The following ATP2B2 variants were observed in gnomAD, a reference collection of about 807,000 sequenced individuals.
ATP2B2 encodes plasma membrane calcium-transporting ATPase 2.
Under a neutral mutation model 120.0 loss-of-function variants are expected in ATP2B2, and 15 were observed. The observed-to-expected ratio is 0.12, with a 90% CI of 0.08 to 0.19. The LOEUF (loss-of-function observed/expected upper bound fraction) is 0.19. ATP2B2 is among the 10% of genes least tolerant of loss of function. The probability of loss-of-function intolerance (pLI) is 1.00; values close to 1 mark genes in which losing one functional copy is unlikely to be tolerated. For synonymous variants in ATP2B2, 694 were observed against 700.3 expected, an observed-to-expected ratio of 0.99 and a Z score of 0.14; for missense variants, 1,045 against 1,719.8, an observed-to-expected ratio of 0.61 and a Z score of 6.94.
chr3:10,446,900 T>A (rs887179946), intron 2 of ATP2B2, among the ~76,000 whole-genome samples: 1 of 152,190 alleles, frequency 6.6e-6, no homozygotes, highest in African/African-American at 2.4e-5. Flanking sequence ...AAAACAGAGT[T>A]CTTTACTTTT....
chr3:10,622,392 T>G (rs971857089), intron 1 of ATP2B2, among the ~76,000 whole-genome samples: 10 of 152,146 alleles, frequency 6.6e-5, no homozygotes, highest in African/African-American at 2.4e-4. Flanking sequence ...CTGTTAAAAT[T>G]TCATCTGCAT....
At chr3:10,394,140 G>A (rs924646694) in intron 5 of ATP2B2, among the ~76,000 whole-genome samples, 1 of 152,096 alleles carries the variant, frequency 6.6e-6, no homozygotes, top group African/African-American at 2.4e-5. Context: ...AGGGAGAGGG[G>A]AGAGTTCATC....
intron 2 of ATP2B2, among the ~76,000 whole-genome samples, chr3:10,593,858 A>C (rs1246003845): frequency 6.6e-6 from 1 of 150,668 alleles, no homozygotes; most frequent in Non-Finnish European, 1.5e-5. Flanking sequence ...GAACTCAAAC[A>C]AATTTACAAG....
At chr3:10,502,079 A>G (rs192303785) in intron 1 of ATP2B2, among the ~76,000 whole-genome samples, 1 of 152,262 alleles carries the variant, frequency 6.6e-6, no homozygotes, top group African/African-American at 2.4e-5. Flanking sequence ...CAGCAGGCGG[A>G]TGGGCCAGTG....
chr3:10,493,023 GTTCATTCATTCA>G (rs575814546), intron 1 of ATP2B2, among the ~76,000 whole-genome samples: 1 of 151,984 alleles, frequency 6.6e-6, no homozygotes, highest in Non-Finnish European at 1.5e-5. Context: ...CAATTCATTT[GTTCATTCATTCA>G]TTCATTCATT....
intron 2 of ATP2B2, among the ~76,000 whole-genome samples, chr3:10,617,249 T>G (rs1250242013): frequency 3.9e-5 from 6 of 152,248 alleles, no homozygotes; most frequent in African/African-American, 1.4e-4. Flanking sequence ...AGGAAACTTT[T>G]TAAAAGCCTT....
In ATP2B2 at chr3:10,332,962, TAGTC is replaced by T. The variant is rs2060020697; in HGVS notation, c.3421-3841_3421-3838del. Among the ~76,000 whole-genome samples, 4 of 152,208 alleles carry T rather than the reference TAGTC, an allele frequency of 2.6e-5. No individual in the cohort carries two copies. The South Asian group carries it at 8.3e-4, about 32-fold the overall frequency. On this transcript the variant is annotated intron_variant, in intron 22 of 22. Coordinates refer to ENST00000360273, the MANE Select transcript of ATP2B2 (RefSeq NM_001001331.4). ...GGCAAAAACAACCTCGTTTTTGAGT[TAGTC>T]AGAAGAGTGCACCAATTCATTCCCT...
intron 14 of ATP2B2, among the ~76,000 whole-genome samples, chr3:10,352,862 T>C (rs1289476982): frequency 6.6e-6 from 1 of 152,182 alleles, no homozygotes; most frequent in African/African-American, 2.4e-5. Context: ...CTTATCTGGC[T>C]CCTGCCTCCA....
At chr3:10,355,409 G>C (rs942556399) in intron 14 of ATP2B2, among the ~76,000 whole-genome samples, 12 of 152,298 alleles carry the variant, frequency 7.9e-5, no homozygotes, top group East Asian at 1.9e-4. Context: ...CAACAGGAGA[G>C]AGCGTGGCCC....
chr3:10,620,532 C>T (rs1422354972), intron 1 of ATP2B2, among the ~76,000 whole-genome samples: 2 of 152,158 alleles, frequency 1.3e-5, no homozygotes, highest in African/African-American at 4.8e-5. Flanking sequence ...AAGGACGGTG[C>T]AGCTCCCGGG....
chr3:10,690,436 CTA>C (rs1553650964), intron 1 of ATP2B2, among the ~76,000 whole-genome samples: 1 of 118,766 alleles, frequency 8.4e-6, no homozygotes, highest in East Asian at 2.2e-4. Flanking sequence ...ATATCTATAT[CTA>C]TCTATCTATC....
chr3:10,468,146 C>T (rs1369474868), intron 1 of ATP2B2, among the ~76,000 whole-genome samples: 1 of 152,220 alleles, frequency 6.6e-6, no homozygotes, highest in Non-Finnish European at 1.5e-5. Context: ...GACAGGGCCA[C>T]CCTGCTCCCC....
chr3:10,407,681 C>T (rs891743877), intron 3 of ATP2B2, among the ~76,000 whole-genome samples: 1 of 152,220 alleles, frequency 6.6e-6, no homozygotes, highest in Non-Finnish European at 1.5e-5. Context: ...CTCTAATATG[C>T]TCACACTGTC....
intron 2 of ATP2B2, among the ~76,000 whole-genome samples, chr3:10,577,097 G>A: frequency 6.6e-6 from 1 of 150,718 alleles, no homozygotes; most frequent in East Asian, 2.0e-4. Flanking sequence ...TATGGTCCTT[G>A]GGCCAGCAGC....
chr3:10,477,214 T>C (rs568979136), intron 1 of ATP2B2, among the ~76,000 whole-genome samples: 1 of 152,330 alleles, frequency 6.6e-6, no homozygotes, highest in Admixed American at 6.5e-5. Flanking sequence ...GCTTTCCCTC[T>C]TAAGATTGGT....
chr3:10,597,554 C>T (rs2068803394), intron 2 of ATP2B2, among the ~76,000 whole-genome samples: 2 of 152,172 alleles, frequency 1.3e-5, no homozygotes. Context: ...GCCATCAAGC[C>T]ATCCCCAAAT....
At chr3:10,601,051 A>T (rs533512351) in intron 2 of ATP2B2, among the ~76,000 whole-genome samples, 1 of 152,078 alleles carries the variant, frequency 6.6e-6, no homozygotes, top group Non-Finnish European at 1.5e-5. Flanking sequence ...CAGCCAGGAG[A>T]CCCCTGTGGG....
intron 2 of ATP2B2, among the ~76,000 whole-genome samples, chr3:10,569,893 C>T (rs73032942): frequency 0.1 from 15,578 of 152,220 alleles, 942 homozygotes; most frequent in East Asian, 0.2. Flanking sequence ...ACTGGGATAC[C>T]TATTTGGCCA....
chr3:10,496,922 G>A (rs1559413713), intron 1 of ATP2B2, among the ~76,000 whole-genome samples: 1 of 152,178 alleles, frequency 6.6e-6, no homozygotes, highest in African/African-American at 2.4e-5. Flanking sequence ...CTGTCTGGTG[G>A]CTGGACCAAC....
Sources: gnomAD v4.1 joint callset for allele counts (sites outside exome capture counted in the v4.1 genomes callset) on GRCh38, gnomAD v4.1.1 for gene constraint, MANE v1.5 for transcripts, NCBI Gene and HGNC (gene_info 2026-07-23, HGNC 2026-07-21) for gene names.